ANKS1B: variants seen among roughly 807,000 people sequenced by gnomAD.
ANKS1B encodes the protein ankyrin repeat and sterile alpha motif domain-containing protein 1B.
In ANKS1B, 36 loss-of-function variants were observed where a neutral mutation model predicts 148.3. That is an observed-to-expected ratio of 0.24 (90% CI 0.19 to 0.32). The LOEUF (loss-of-function observed/expected upper bound fraction) is 0.32, where lower values mean the gene tolerates loss of function less well. Among genes scored for constraint, ANKS1B ranks in the 10% least tolerant of loss-of-function variants. The probability of loss-of-function intolerance (pLI) is 1.00; values close to 1 mark genes in which losing one functional copy is unlikely to be tolerated. For synonymous variants in ANKS1B, 542 were observed against 560.8 expected, an observed-to-expected ratio of 0.97 and a Z score of 0.47; for missense variants, 1,157 against 1,542.6, an observed-to-expected ratio of 0.75 and a Z score of 4.19.
At chr12:99,477,399 G>A (rs1490697532) in intron 10 of ANKS1B, among the ~76,000 whole-genome samples, 4 of 152,102 alleles carry the variant, frequency 2.6e-5, no homozygotes, top group East Asian at 3.9e-4. Context: ...GTTATTTCCC[G>A]ATTTTACAAC....
At chr12:98,873,281 T>C (rs1006057069) in intron 17 of ANKS1B, among the ~76,000 whole-genome samples, 2 of 152,202 alleles carry the variant, frequency 1.3e-5, no homozygotes, top group African/African-American at 4.8e-5. Context: ...CAGGTCAACC[T>C]CCTGTTTTGA....
At chr12:98,746,497 T>A (rs1004611638) in intron 26 of ANKS1B, among the ~76,000 whole-genome samples, 1 of 152,188 alleles carries the variant, frequency 6.6e-6, no homozygotes, top group African/African-American at 2.4e-5. Flanking sequence ...CCTAGAAGCC[T>A]TTCCTGTTTA....
At chr12:98,840,304 A>T (rs2099398766) in intron 17 of ANKS1B, among the ~76,000 whole-genome samples, 1 of 152,156 alleles carries the variant, frequency 6.6e-6, no homozygotes, top group African/African-American at 2.4e-5. Flanking sequence ...TCTAAAAAAA[A>T]TCCCTCTGAC....
At chr12:99,890,160 TTG>T (rs2093021732) in intron 1 of ANKS1B, among the ~76,000 whole-genome samples, 1 of 152,170 alleles carries the variant, frequency 6.6e-6, no homozygotes, top group Non-Finnish European at 1.5e-5. Context: ...ATGGTTAATT[TTG>T]TGTGTCAACT....
At chr12:99,035,037 G>C (rs1246357905) in intron 17 of ANKS1B, among the ~76,000 whole-genome samples, 1 of 152,114 alleles carries the variant, frequency 6.6e-6, no homozygotes, top group Non-Finnish European at 1.5e-5. Context: ...TTGGGGCTTA[G>C]AAAACAACAC....
intron 9 of ANKS1B, among the ~76,000 whole-genome samples, chr12:99,509,797 T>C (rs1172714785): frequency 6.6e-6 from 1 of 151,990 alleles, no homozygotes; most frequent in Non-Finnish European, 1.5e-5. Context: ...TACCAGAAGA[T>C]GTCATTTAGG....
intron 25 of ANKS1B, among the ~76,000 whole-genome samples, chr12:98,753,296 C>G (rs1380851374): frequency 6.6e-6 from 1 of 152,116 alleles, no homozygotes; most frequent in Non-Finnish European, 1.5e-5. Flanking sequence ...ATTGTCTGAC[C>G]CAAAAGAGGC....
intron 11 of ANKS1B, among the ~76,000 whole-genome samples, chr12:99,406,655 G>T (rs1245237319): frequency 1.4e-5 from 2 of 145,296 alleles, no homozygotes; most frequent in Non-Finnish European, 3.0e-5. Context: ...TAGAAGAAAA[G>T]AAATAATAAA....
At chr12:98,930,953 C>CT (rs144681921) in intron 17 of ANKS1B, among the ~76,000 whole-genome samples, 10 of 148,816 alleles carry the variant, frequency 6.7e-5, no homozygotes, top group African/African-American at 1.5e-4. Context: ...TTTCACCTCC[C>CT]TTTTTTTTTT....
At chr12:98,848,637 C>T (rs1251434387) in intron 17 of ANKS1B, among the ~76,000 whole-genome samples, 1 of 150,898 alleles carries the variant, frequency 6.6e-6, no homozygotes, top group Admixed American at 6.6e-5. Context: ...CAGCTCACTG[C>T]AACCTCCTCC....
intron 1 of ANKS1B, among the ~76,000 whole-genome samples, chr12:99,892,784 T>G (rs1409744755): frequency 6.6e-6 from 1 of 152,236 alleles, no homozygotes; most frequent in African/African-American, 2.4e-5. Flanking sequence ...TTCTCTGCGA[T>G]GAAGAATCCA....
At chr12:98,993,676 A>C (rs998409184) in intron 17 of ANKS1B, among the ~76,000 whole-genome samples, 2 of 152,196 alleles carry the variant, frequency 1.3e-5, no homozygotes, top group Admixed American at 1.3e-4. Flanking sequence ...TGTAGGCAAG[A>C]TTTTATTCTT....
At chr12:99,504,346 T>C in intron 10 of ANKS1B, 130 bp downstream of exon 10, 1 of 932,308 alleles carries the variant, frequency 1.1e-6, no homozygotes, top group African/African-American at 1.7e-5. Context: ...AATGAAAAAA[T>C]AATTATTGGA....
intron 15 of ANKS1B, among the ~76,000 whole-genome samples, chr12:99,107,779 G>A (rs970710028): frequency 1.3e-5 from 2 of 152,192 alleles, no homozygotes. Context: ...CTGCAATAAT[G>A]AGATGAATTC....
chr12:99,590,241 C>T (rs1481106426), intron 9 of ANKS1B, among the ~76,000 whole-genome samples: 1 of 139,112 alleles, frequency 7.2e-6, no homozygotes, highest in Non-Finnish European at 1.5e-5. Flanking sequence ...AAAACATTCA[C>T]TCACACCCAC....
intron 12 of ANKS1B, among the ~76,000 whole-genome samples, chr12:99,383,478 A>G (rs899690360): frequency 6.6e-6 from 1 of 152,236 alleles, no homozygotes; most frequent in Non-Finnish European, 1.5e-5. Flanking sequence ...CTTACAGATC[A>G]GTTTCAGTTC....
intron 12 of ANKS1B, among the ~76,000 whole-genome samples, chr12:99,383,849 C>CAAAAAAAAAAAAA (rs1160915276): frequency 1.3e-5 from 1 of 77,828 alleles, no homozygotes; most frequent in Non-Finnish European, 2.7e-5. Context: ...CCCATCTCTA[C>CAAAAAAAAAAAAA]AAAAAAAAAA....
At chr12:99,147,999 A>G (rs1601046564) in intron 15 of ANKS1B, among the ~76,000 whole-genome samples, 1 of 152,112 alleles carries the variant, frequency 6.6e-6, no homozygotes, top group Non-Finnish European at 1.5e-5. Flanking sequence ...GTTGAGAAAC[A>G]AGCTGGATTA....
chr12:99,755,560 C>G (rs2061485700), intron 8 of ANKS1B, among the ~76,000 whole-genome samples: 1 of 143,088 alleles, frequency 7.0e-6, no homozygotes, highest in African/African-American at 2.6e-5. Flanking sequence ...AAATTCACAC[C>G]AATATCCTTC....
Sources: gnomAD v4.1 joint callset for allele counts (sites outside exome capture counted in the v4.1 genomes callset) on GRCh38, gnomAD v4.1.1 for gene constraint, MANE v1.5 for transcripts, NCBI Gene and HGNC (gene_info 2026-07-23, HGNC 2026-07-21) for gene names.